The following DOCK3 variants were observed in gnomAD, a reference collection of about 807,000 sequenced individuals.
DOCK3 encodes dedicator of cytokinesis protein 3.
In DOCK3, 60 loss-of-function variants were observed where a neutral mutation model predicts 265.6. The ratio of observed to expected loss-of-function variants is 0.23; its 90% CI spans 0.18 to 0.28. The LOEUF (loss-of-function observed/expected upper bound fraction) is 0.28. Among genes scored for constraint, DOCK3 ranks in the 10% least tolerant of loss-of-function variants. DOCK3 has a pLI of 1.00. For missense variants in DOCK3, 1,981 were observed against 2,594.3 expected (o/e 0.76, Z 5.14); for synonymous variants, 881 against 938.0 (o/e 0.94, Z 1.11).
intron 1 of DOCK3, among the ~76,000 whole-genome samples, chr3:50,701,148 T>A (rs2036014156): frequency 6.6e-6 from 1 of 150,868 alleles, no homozygotes; most frequent in Non-Finnish European, 1.5e-5. Flanking sequence ...TTTTTTTTTT[T>A]AAGACAGGTT....
chr3:51,355,095 C>G, intron 41 of DOCK3, 72 bp downstream of exon 41: 1 of 1,543,010 alleles, frequency 6.5e-7, no homozygotes, highest in East Asian at 2.4e-5. Flanking sequence ...GTCAGCTGCC[C>G]CTTTACCACA....
chr3:50,969,941 G>A (rs752743697), intron 5 of DOCK3, among the ~76,000 whole-genome samples: 6 of 152,046 alleles, frequency 3.9e-5, no homozygotes, highest in African/African-American at 1.4e-4. Flanking sequence ...GCATGGTGGC[G>A]GGCGCCTGTA....
intron 2 of DOCK3, among the ~76,000 whole-genome samples, chr3:50,812,037 T>C (rs1034082617): frequency 7.2e-5 from 11 of 152,216 alleles, no homozygotes; most frequent in East Asian, 1.9e-4. Context: ...GGAAAGAGCA[T>C]GGATGCCATA....
intron 10 of DOCK3, among the ~76,000 whole-genome samples, chr3:51,153,559 G>C (rs1219904403): frequency 3.9e-5 from 6 of 152,200 alleles, no homozygotes; most frequent in African/African-American, 9.7e-5. Flanking sequence ...ACCTTAGTTG[G>C]AAATGCAGAA....
At chr3:50,879,518 C>A (rs1430750862) in intron 3 of DOCK3, among the ~76,000 whole-genome samples, 8 of 152,068 alleles carry the variant, frequency 5.3e-5, no homozygotes, top group Non-Finnish European at 1.2e-4. Context: ...CAACAAAGAT[C>A]AAAAGAGACA....
intron 13 of DOCK3, among the ~76,000 whole-genome samples, chr3:51,210,892 G>A (rs950423969): frequency 1.3e-5 from 2 of 152,160 alleles, no homozygotes; most frequent in African/African-American, 4.8e-5. Flanking sequence ...GAGAGTAAAT[G>A]TATCATCCAG....
At chr3:51,083,363 C>T (rs150208255) in intron 7 of DOCK3, among the ~76,000 whole-genome samples, 25 of 152,256 alleles carry the variant, frequency 1.6e-4, no homozygotes, top group African/African-American at 5.5e-4. Flanking sequence ...GCCCACATAT[C>T]AATGTAAGGA....
At chr3:51,150,512 G>A (rs1343727849) in intron 10 of DOCK3, among the ~76,000 whole-genome samples, 3 of 152,152 alleles carry the variant, frequency 2.0e-5, no homozygotes, top group Non-Finnish European at 4.4e-5. Flanking sequence ...CTTTGAATGT[G>A]TCCCAGAGAT....
At chr3:50,731,509 T>G (rs1279805389) in intron 1 of DOCK3, among the ~76,000 whole-genome samples, 1 of 152,224 alleles carries the variant, frequency 6.6e-6, no homozygotes, top group Non-Finnish European at 1.5e-5. Flanking sequence ...ATGAGAAATC[T>G]CTATACCTTT....
intron 3 of DOCK3, among the ~76,000 whole-genome samples, chr3:50,852,647 T>C (rs891450648): frequency 3.9e-5 from 6 of 152,282 alleles, no homozygotes; most frequent in Admixed American, 2.6e-4. Context: ...GGAATTTGTG[T>C]TCTCTCTTTT....
At chr3:51,380,326 C>T (rs782040424) in intron 52 of DOCK3, 119 bp downstream of exon 52, 98 of 981,804 alleles carry the variant, frequency 1.0e-4, no homozygotes, top group Non-Finnish European at 1.4e-4. Flanking sequence ...CTCTCCCCAG[C>T]CTGGCAGAAG....
chr3:51,383,125 T>C lies in DOCK3; in HGVS notation c.*1566T>C, dbSNP rs2088767193. ...CCTTGTCCCTTCTCCACTGCCCCTC[T>C]TTCCAGACAGTAAAGGCCATGGTCA... On this transcript the variant is annotated 3_prime_UTR_variant, in exon 53 of 53. Coordinates refer to ENST00000266037, the MANE Select transcript of DOCK3 (RefSeq NM_004947.5). The C allele has an allele frequency of 6.6e-6, 1 of 152,292 alleles. No homozygotes were observed. The allele number at this position is 152,292 out of a possible 1,614,324, so 9.4% of individuals were successfully genotyped here. A position where few individuals can be genotyped will look rare whatever the true frequency, so the allele number is the denominator to read the frequency against.
intron 5 of DOCK3, among the ~76,000 whole-genome samples, chr3:51,014,837 T>G (rs2079089213): frequency 1.3e-5 from 2 of 152,152 alleles, no homozygotes; most frequent in South Asian, 4.1e-4. Flanking sequence ...GTTTTGTAGT[T>G]TTCTTTGTAG....
intron 38 of DOCK3, among the ~76,000 whole-genome samples, 168 bp downstream of exon 38, chr3:51,341,553 G>A (rs940968000): frequency 6.6e-6 from 1 of 152,090 alleles, no homozygotes; most frequent in African/African-American, 2.4e-5. Context: ...TTTCTCTGAG[G>A]GAGAAAAAGA....
chr3:50,800,293 G>T (rs1227400433), intron 2 of DOCK3, among the ~76,000 whole-genome samples: 2 of 152,176 alleles, frequency 1.3e-5, no homozygotes, highest in African/African-American at 4.8e-5. Context: ...AAGAATGATA[G>T]AATTCTTTGG....
chr3:51,206,707 T>C (rs1028528149), intron 12 of DOCK3, among the ~76,000 whole-genome samples: 1 of 152,240 alleles, frequency 6.6e-6, no homozygotes, highest in Non-Finnish European at 1.5e-5. Flanking sequence ...TGCTGAAAAG[T>C]TCGACCTCTA....
At chr3:50,994,149 G>A (rs529141636) in intron 5 of DOCK3, among the ~76,000 whole-genome samples, 11 of 152,330 alleles carry the variant, frequency 7.2e-5, no homozygotes, top group African/African-American at 2.4e-4. Flanking sequence ...GGTCCAGGAG[G>A]ATGGCAGAGG....
At chr3:51,258,304 A>C (rs987126988) in intron 22 of DOCK3, among the ~76,000 whole-genome samples, 1 of 152,190 alleles carries the variant, frequency 6.6e-6, no homozygotes, top group African/African-American at 2.4e-5. Flanking sequence ...TTCTCAAAAA[A>C]AACTCATTTA....
intron 5 of DOCK3, among the ~76,000 whole-genome samples, chr3:50,955,237 G>A (rs1451150990): frequency 6.6e-6 from 1 of 152,204 alleles, no homozygotes; most frequent in Non-Finnish European, 1.5e-5. Context: ...CTGTTGGTGG[G>A]AGTGTAAATT....
Sources: allele counts gnomAD v4.1 joint callset (sites outside exome capture counted in the v4.1 genomes callset), GRCh38; gene constraint gnomAD v4.1.1; transcripts MANE v1.5; gene names NCBI Gene and HGNC (gene_info 2026-07-23, HGNC 2026-07-21).